The following IL12RB2 variants were observed in gnomAD, a reference collection of about 807,000 sequenced individuals.
The protein encoded by IL12RB2 is interleukin 12 receptor subunit beta 2.
IL12RB2 carries 82 observed loss-of-function variants against 89.4 expected under a neutral mutation model. The ratio of observed to expected loss-of-function variants is 0.92; its 90% confidence interval spans 0.77 to 1.10. IL12RB2 has a LOEUF of 1.10. Among genes scored for constraint, IL12RB2 ranks in the 50% least tolerant of loss-of-function variants. The pLI is 0.00. For missense variants in IL12RB2, 963 were observed against 1,031.9 expected (o/e 0.93, Z 0.92); for synonymous variants, 368 against 370.1 (o/e 0.99, Z 0.07).
intron 10 of IL12RB2, among the ~76,000 whole-genome samples, chr1:67,352,410 G>A (rs1660947019): frequency 1.3e-5 from 2 of 152,140 alleles, no homozygotes. Context: ...TCATCCTTAT[G>A]ATGGAAATGG....
At chr1:67,380,237 C>A in intron 14 of IL12RB2, 114 bp downstream of exon 14, 2 of 1,059,186 alleles carry the variant, frequency 1.9e-6, no homozygotes, top group African/African-American at 1.6e-5. Flanking sequence ...TAAAAACTTT[C>A]TTGCTGTCAC....
chr1:67,390,917 C>T (rs1474628140), intron 16 of IL12RB2, among the ~76,000 whole-genome samples: 5 of 152,106 alleles, frequency 3.3e-5, no homozygotes, highest in Admixed American at 2.6e-4. Flanking sequence ...GCTCAAGATG[C>T]TTCTCTCCAA....
chr1:67,331,636 G>A (rs889027435), intron 8 of IL12RB2, among the ~76,000 whole-genome samples: 19 of 152,052 alleles, frequency 1.2e-4, no homozygotes, highest in East Asian at 3.9e-4. Context: ...TCAGGAGTTC[G>A]AGACCAGCCT....
At chr1:67,339,360 G>A (rs1275594576) in intron 9 of IL12RB2, among the ~76,000 whole-genome samples, 3 of 151,978 alleles carry the variant, frequency 2.0e-5, no homozygotes, top group East Asian at 1.9e-4. Context: ...GGTGGCATGC[G>A]CCTGTAATCC....
At chr1:67,311,170 A>T (rs758627729) in intron 1 of IL12RB2, among the ~76,000 whole-genome samples, 2 of 152,156 alleles carry the variant, frequency 1.3e-5, no homozygotes, top group Non-Finnish European at 2.9e-5. Flanking sequence ...TTACTACTAC[A>T]GTTGCTCAGG....
intron 13 of IL12RB2, among the ~76,000 whole-genome samples, chr1:67,379,308 G>T (rs551216174): frequency 6.8e-6 from 1 of 146,824 alleles, no homozygotes; most frequent in Non-Finnish European, 1.5e-5. Flanking sequence ...TCAGGAGTTC[G>T]AGACCAGCCT....
In IL12RB2 at chr1:67,321,718, C is replaced by G; in HGVS notation, c.193C>G (p.Arg65Gly). The part of the protein sequence containing the change: ...PRQGCFHYSR[R>G]NKLILYKFDR... ...ACAAGGCTGCTTTCACTATTCCAGA[C>G]GTAACAAGTTAATCCTGTACAAGTT... The change falls in exon 4 of 17, where the codon CGT becomes GGT. Residue 65 changes from arginine to glycine, a missense_variant. Physicochemically the swap from Arg to Gly is moderately radical, Grantham distance 125. Transcript: ENST00000674203. The G allele has an allele frequency of 6.2e-7, 1 of 1,610,748 alleles. No homozygotes were observed. The highest frequency in any genetic ancestry group is 8.5e-7 in the Non-Finnish European group (1 of 1,176,980).
intron 8 of IL12RB2, among the ~76,000 whole-genome samples, chr1:67,336,594 A>G (rs1280681199): frequency 2.0e-5 from 3 of 152,254 alleles, no homozygotes; most frequent in African/African-American, 7.2e-5. Flanking sequence ...AAAGAAAAGA[A>G]GTGAATGTTT....
At chr1:67,346,681 C>T (rs992499269) in intron 9 of IL12RB2, among the ~76,000 whole-genome samples, 7 of 152,140 alleles carry the variant, frequency 4.6e-5, no homozygotes, top group South Asian at 2.1e-4. Flanking sequence ...CCACCGCGCA[C>T]GGCCAAGGGT....
At chr1:67,364,037 G>T (rs991736245) in intron 10 of IL12RB2, among the ~76,000 whole-genome samples, 1 of 152,162 alleles carries the variant, frequency 6.6e-6, no homozygotes, top group Non-Finnish European at 1.5e-5. Context: ...AAAACAAATA[G>T]TCAAAGTGGA....
At position 67,395,798 on chromosome 1, in the gene IL12RB2, G is replaced by A; in HGVS notation, c.2298G>A (p.Leu766=). The A allele has an allele frequency of 6.2e-7, 1 of 1,614,102 alleles. No individual in the cohort carries two copies. The highest frequency in any genetic ancestry group is 8.5e-7 in the Non-Finnish European group (1 of 1,179,934). Residue 766 remains leucine (L), a synonymous_variant, in exon 17 of 17, where the codon CTG becomes CTA. Transcript: ENST00000674203. The part of the protein sequence containing the change: ...LQAESRQLVD[L]YKVLESRGSD... ...CTGAGAGCAGACAACTGGTGGATCT[G>A]TACAAGGTGCTGGAGAGCAGGGGCT...
chr1:67,391,452 TTA>T (rs1197603580), intron 16 of IL12RB2, among the ~76,000 whole-genome samples: 3 of 147,690 alleles, frequency 2.0e-5, no homozygotes, highest in Non-Finnish European at 4.5e-5. Context: ...TATTACTATT[TTA>T]TATATATAAT....
At chr1:67,326,927 A>G in intron 5 of IL12RB2, 78 bp downstream of exon 5, 6 of 1,036,668 alleles carry the variant, frequency 5.8e-6, no homozygotes, top group Middle Eastern at 3.7e-4. Flanking sequence ...TGTTTTCTTT[A>G]TTTATTTTTA....
In IL12RB2 at chr1:67,398,045, C is replaced by T. The variant is rs1318944405; in HGVS notation, c.*1956C>T. ...CATCCTTGTTTCCTGAAATTCCAAA[C>T]TTAACACCTATAGTTCTCTCAGGCT... On this transcript the variant is annotated 3_prime_UTR_variant, in exon 17 of 17. Transcript: ENST00000674203. Among the ~76,000 whole-genome samples, 1 of 152,234 alleles carries T rather than the reference C, an allele frequency of 6.6e-6. No homozygotes were observed. The highest frequency in any genetic ancestry group is 1.5e-5 in the Non-Finnish European group (1 of 68,030).
chr1:67,310,716 T>C (rs1210252183), intron 1 of IL12RB2, among the ~76,000 whole-genome samples: 3 of 152,148 alleles, frequency 2.0e-5, no homozygotes, highest in Non-Finnish European at 4.4e-5. Flanking sequence ...AGATAGGTGC[T>C]GGTTTTTTGT....
chr1:67,308,138 A>G (rs1367655284), intron 1 of IL12RB2, among the ~76,000 whole-genome samples, 171 bp downstream of exon 1: 1 of 151,846 alleles, frequency 6.6e-6, no homozygotes, highest in Non-Finnish European at 1.5e-5. Flanking sequence ...GTCTTCCAAT[A>G]CGATCCGAAA....
chr1:67,377,379 T>C (rs1331677382), intron 13 of IL12RB2, among the ~76,000 whole-genome samples: 2 of 152,136 alleles, frequency 1.3e-5, no homozygotes, highest in African/African-American at 4.8e-5. Context: ...ATCACCAGCA[T>C]AGATGAAGTC....
At chr1:67,341,605 G>C (rs1044161872) in intron 9 of IL12RB2, among the ~76,000 whole-genome samples, 1 of 151,890 alleles carries the variant, frequency 6.6e-6, no homozygotes, top group African/African-American at 2.4e-5. Context: ...AGGAAAGAAA[G>C]AGAAAGCAAA....
intron 13 of IL12RB2, among the ~76,000 whole-genome samples, chr1:67,374,179 T>C (rs903000627): frequency 6.6e-6 from 1 of 152,224 alleles, no homozygotes; most frequent in Non-Finnish European, 1.5e-5. Flanking sequence ...CATCCATCCA[T>C]GTGAACTTAT....
Sources: allele counts gnomAD v4.1 joint callset (sites outside exome capture counted in the v4.1 genomes callset), GRCh38; gene constraint gnomAD v4.1.1; transcripts MANE v1.5; gene names NCBI Gene and HGNC (gene_info 2026-07-23, HGNC 2026-07-21).